The following NLN variants were observed in gnomAD, a reference collection of about 807,000 sequenced individuals.
The protein encoded by NLN is neurolysin, mitochondrial.
A neutral mutation model predicts 79.9 loss-of-function variants in NLN; 64 were observed. The ratio of observed to expected loss-of-function variants is 0.80; its 90% CI spans 0.65 to 0.99. The LOEUF is 0.99. NLN is among the 50% of genes least tolerant of loss of function. The pLI, the probability that NLN is intolerant of heterozygous loss-of-function variation, is 0.00. For missense variants in NLN, 835 were observed against 858.7 expected (o/e 0.97, Z 0.34); for synonymous variants, 267 against 296.6 (o/e 0.90, Z 1.02).
chr5:65,816,201 T>A (rs1300878048), intron 12 of NLN, among the ~76,000 whole-genome samples: 15 of 150,618 alleles, frequency 1.0e-4, no homozygotes, highest in Admixed American at 6.6e-5. Flanking sequence ...AAAAAAAAAA[T>A]AAAAAGAACA....
chr5:65,778,975 G>T (rs1412108773), intron 4 of NLN, among the ~76,000 whole-genome samples: 1 of 152,092 alleles, frequency 6.6e-6, no homozygotes, highest in Non-Finnish European at 1.5e-5. Flanking sequence ...TGGAAGGATG[G>T]CCCAACTGGT....
intron 2 of NLN, among the ~76,000 whole-genome samples, chr5:65,760,490 T>C (rs1194448661): frequency 6.6e-6 from 1 of 152,212 alleles, no homozygotes; most frequent in Non-Finnish European, 1.5e-5. Context: ...CTTCAGTCAC[T>C]TGTGGCCAAG....
intron 9 of NLN, among the ~76,000 whole-genome samples, chr5:65,807,621 A>G (rs1037874293): frequency 2.0e-5 from 3 of 151,966 alleles, no homozygotes; most frequent in Non-Finnish European, 4.4e-5. Context: ...TTGTATTTTT[A>G]GTAGAGACAG....
intron 1 of NLN, among the ~76,000 whole-genome samples, chr5:65,738,962 T>TAA (rs1758801553): frequency 3.6e-5 from 2 of 56,224 alleles, no homozygotes; most frequent in Non-Finnish European, 6.2e-5. Flanking sequence ...TATATATATG[T>TAA]ATATATAAAT....
chr5:65,762,996 C>G lies in NLN; in HGVS notation c.338C>G (p.Ser113Cys), dbSNP rs752428128. 6.2e-7 allele frequency: 1 copy of G among 1,613,964 alleles called. No individual in the cohort carries two copies. Among genetic ancestry groups the G allele is most frequent in the Non-Finnish European group, 8.5e-7 (1 of 1,179,936 alleles). The part of the protein sequence containing the change: ...RTMLDFPQHV[S>C]SDKEVRAAST... ...ATGCTAGACTTTCCCCAGCATGTAT[C>G]CTCTGACAAAGAAGTACGAGCAGCA... Residue 113 changes from serine to cysteine, a missense_variant, in exon 3 of 13, where the codon TCC becomes TGC. By Grantham distance (112) the Ser-to-Cys change is moderately radical. Coordinates refer to ENST00000380985, the MANE Select transcript of NLN (RefSeq NM_020726.5).
At chr5:65,748,233 G>T (rs1192663803) in intron 1 of NLN, among the ~76,000 whole-genome samples, 3 of 151,972 alleles carry the variant, frequency 2.0e-5, no homozygotes, top group Non-Finnish European at 4.4e-5. Flanking sequence ...AGTCATCCAG[G>T]TCGAAGGGTT....
At chr5:65,760,546 T>A (rs1288026320) in intron 2 of NLN, among the ~76,000 whole-genome samples, 1 of 152,214 alleles carries the variant, frequency 6.6e-6, no homozygotes, top group East Asian at 1.9e-4. Flanking sequence ...AAAGTCTCAC[T>A]CTGTCACCCA....
At chr5:65,791,569 A>C (rs1579954365) in intron 8 of NLN, among the ~76,000 whole-genome samples, 1 of 152,130 alleles carries the variant, frequency 6.6e-6, no homozygotes, top group Non-Finnish European at 1.5e-5. Flanking sequence ...AAACAAGAGA[A>C]CAAAATTAAC....
chr5:65,779,106 A>G (rs1253609451), intron 4 of NLN, among the ~76,000 whole-genome samples: 1 of 152,158 alleles, frequency 6.6e-6, no homozygotes, highest in Non-Finnish European at 1.5e-5. Flanking sequence ...ACACCACTGA[A>G]CAGTGCGTTA....
chr5:65,740,086 G>A (rs1315889471), intron 1 of NLN, among the ~76,000 whole-genome samples: 1 of 152,108 alleles, frequency 6.6e-6, no homozygotes, highest in African/African-American at 2.4e-5. Flanking sequence ...GTGTTATGGA[G>A]CTTTTCCCAT....
Position 65,732,405 on chromosome 5 carries a change from T to TAG in NLN, c.41+9992_41+9993insGA, listed in dbSNP as rs534374901. ...TGTTTGAAGTTAATATGATGAAACT[T>TAG]ACACTTCATATAGAGGAGAGTATGA... On this transcript the variant is annotated intron_variant, in intron 1 of 12. Transcript: ENST00000380985. Among the ~76,000 whole-genome samples the TAG allele has an allele frequency of 1.5e-3, 216 of 139,966 alleles. 34 individuals are homozygous for TAG. The highest frequency in any genetic ancestry group is 5.8e-3 in the African/African-American group (213 of 36,984). 91.8% of individuals were successfully genotyped at this position (139,966 alleles called of 152,430 possible). A position where few individuals can be genotyped will look rare whatever the true frequency, so the allele number is the denominator to read the frequency against.
intron 1 of NLN, among the ~76,000 whole-genome samples, chr5:65,752,769 A>G (rs759793109): frequency 1.3e-5 from 2 of 152,272 alleles, no homozygotes; most frequent in African/African-American, 2.4e-5. Flanking sequence ...CAGTAGATCA[A>G]AATGTTTTAG....
intron 1 of NLN, chr5:65,733,672 G>A: frequency 1.4e-6 from 2 of 1,459,478 alleles, no homozygotes; most frequent in Non-Finnish European, 1.9e-6. Context: ...CCTGATTAGT[G>A]GGATGGATAC....
At chr5:65,787,238 A>G (rs183016250) in intron 7 of NLN, among the ~76,000 whole-genome samples, 50 of 146,066 alleles carry the variant, frequency 3.4e-4, no homozygotes, top group African/African-American at 1.0e-3. Context: ...CTCTCTCTTT[A>G]TATATATATA....
At chr5:65,785,243 G>A (rs1211591703) in intron 6 of NLN, among the ~76,000 whole-genome samples, 4 of 152,126 alleles carry the variant, frequency 2.6e-5, no homozygotes, top group East Asian at 1.9e-4. Flanking sequence ...TCACCATACC[G>A]TTTTCTACAG....
chr5:65,781,811 C>A (rs1475845871), intron 6 of NLN, among the ~76,000 whole-genome samples: 1 of 152,178 alleles, frequency 6.6e-6, no homozygotes, highest in Non-Finnish European at 1.5e-5. Flanking sequence ...CCATGAGGAC[C>A]CTTTTTTCCT....
At chr5:65,737,880 C>T (rs531489987) in intron 1 of NLN, among the ~76,000 whole-genome samples, 6 of 152,216 alleles carry the variant, frequency 3.9e-5, no homozygotes, top group East Asian at 3.9e-4. Flanking sequence ...CTTGTAATCC[C>T]GGCACTTTGG....
At position 65,827,492 on chromosome 5, in the gene NLN, G is replaced by C. The variant is rs1473969593; in HGVS notation, c.*4577G>C. The C allele has an allele frequency of 1.3e-5, 2 of 152,162 alleles. No individual in the cohort carries two copies. The highest frequency in any genetic ancestry group is 1.3e-4 in the Admixed American group (2 of 15,280). The allele number at this position is 152,162 out of a possible 1,614,324, so 9.4% of individuals were successfully genotyped here. A position where few individuals can be genotyped will look rare whatever the true frequency, so the allele number is the denominator to read the frequency against. ...TTGTTCATTGCGTCCAGCAAGACAC[G>C]CATTGCTGTTGATATCTTTGTGGCT... On this transcript the variant is annotated 3_prime_UTR_variant, in exon 13 of 13. Transcript: ENST00000380985.
intron 1 of NLN, among the ~76,000 whole-genome samples, chr5:65,740,546 G>A (rs990109126): frequency 6.6e-6 from 1 of 152,066 alleles, no homozygotes; most frequent in Non-Finnish European, 1.5e-5. Context: ...CACAGTTTAG[G>A]ATCTTACATT....
Sources: gnomAD v4.1 joint callset for allele counts (sites outside exome capture counted in the v4.1 genomes callset) on GRCh38, gnomAD v4.1.1 for gene constraint, MANE v1.5 for transcripts, NCBI Gene and HGNC (gene_info 2026-07-23, HGNC 2026-07-21) for gene names.